SP140: variants seen among roughly 807,000 people sequenced by gnomAD.
The protein encoded by SP140 is SP140 nuclear body protein.
SP140 carries 81 observed loss-of-function variants against 125.0 expected under a neutral mutation model. The observed-to-expected ratio is 0.65, with a 90% confidence interval of 0.54 to 0.78. The LOEUF is 0.78. Ranked by LOEUF, SP140 falls within the 30% of genes least tolerant of loss-of-function variation. SP140 has a pLI of 0.00. For synonymous variants in SP140, 312 were observed against 354.0 expected, an observed-to-expected ratio of 0.88 and a Z score of 1.33; for missense variants, 858 against 1,037.0, an observed-to-expected ratio of 0.83 and a Z score of 2.37.
chr2:230,283,544 G>A (rs1170702291), intron 15 of SP140, among the ~76,000 whole-genome samples: 1 of 152,154 alleles, frequency 6.6e-6, no homozygotes, highest in African/African-American at 2.4e-5. Context: ...TTTCAAGATA[G>A]GTCTACAGAA....
chr2:230,292,809 C>T (rs201458629), intron 20 of SP140, 21 bp downstream of exon 20: 2 of 1,613,460 alleles, frequency 1.2e-6, no homozygotes, highest in South Asian at 1.1e-5. Context: ...GACAAGGGGC[C>T]AGGCCTGTGT....
Position 230,312,958 on chromosome 2 carries a change from TCTC to T in SP140, c.*277_*279del, listed in dbSNP as rs2059436444. ...CCATCCCATACAGGCTCTTACCTCT[TCTC>T]CTGAGGGCTGCTCCAGACAACATTT... On this transcript the variant is annotated 3_prime_UTR_variant, in exon 27 of 27. Coordinates refer to ENST00000392045, the MANE Select transcript of SP140 (RefSeq NM_007237.5). 3.0e-6 allele frequency: 1 copy of T among 336,932 alleles called. No homozygotes were observed. Among genetic ancestry groups the T allele is most frequent in the African/African-American group, 2.2e-5 (1 of 44,720 alleles). The allele number at this position is 336,932 out of a possible 1,614,324, so 20.9% of individuals were successfully genotyped here. A position where few individuals can be genotyped will look rare whatever the true frequency, so the allele number is the denominator to read the frequency against.
chr2:230,288,472 TCTTTC>T, intron 18 of SP140, among the ~76,000 whole-genome samples: 1 of 99,896 alleles, frequency 1.0e-5, no homozygotes, highest in African/African-American at 3.7e-5. Context: ...TTTCTTTCTT[TCTTTC>T]TTTCTTTCTT....
Position 230,213,165 on chromosome 2 carries a change from C to G in SP140, c.-322-489C>G. 3 of 805,822 alleles carry G rather than the reference C, an allele frequency of 3.7e-6. No homozygotes were observed. The South Asian group carries it at 4.3e-5, about 12-fold the overall frequency. The allele number at this position is 805,822 out of a possible 1,614,324, so 49.9% of individuals were successfully genotyped here. ...GTCCCCCAGGTGCAGAGAACTGATT[C>G]ATTGTCATCATTATCCATTTGTGGC... On this transcript the variant is annotated intron_variant, in intron 1 of 4. Coordinates refer to the SP140 transcript ENST00000456542.
At chr2:230,274,892 T>G in intron 15 of SP140, among the ~76,000 whole-genome samples, 1 of 152,302 alleles carries the variant, frequency 6.6e-6, no homozygotes, top group East Asian at 1.9e-4. Flanking sequence ...ATTTAAACTG[T>G]TACATTTCTT....
intron 3 of SP140, chr2:230,239,097 A>G: frequency 7.6e-7 from 1 of 1,313,234 alleles, no homozygotes; most frequent in Non-Finnish European, 9.9e-7. Flanking sequence ...AGTCAGTATG[A>G]AGAATGGGAT....
Position 230,285,908 on chromosome 2 carries a change from A to G in SP140, c.1645+76A>G, listed in dbSNP as rs1053262040. 4.7e-5 allele frequency: 51 copies of G among 1,091,214 alleles called. No individual in the cohort carries two copies. In the African/African-American group the frequency reaches 7.3e-4, roughly 16 times the overall value. 67.6% of individuals were successfully genotyped at this position (1,091,214 alleles called of 1,614,324 possible). A position where few individuals can be genotyped will look rare whatever the true frequency, so the allele number is the denominator to read the frequency against. On this transcript the variant is annotated intron_variant, in intron 17 of 26. Coordinates refer to ENST00000392045, the MANE Select transcript of SP140 (RefSeq NM_007237.5). The stretch of plus-strand genomic sequence containing the variant: ...TTTACTGAGGTATTGACGAGCCTAG[A>G]TCCACCTTAATTGTTTACTCATCAA...
chr2:230,227,632 C>T (rs2046650144), intron 1 of SP140, among the ~76,000 whole-genome samples: 1 of 152,174 alleles, frequency 6.6e-6, no homozygotes, highest in African/African-American at 2.4e-5. Flanking sequence ...ATTCAGACAA[C>T]CTATCTCTTG....
At chr2:230,218,540 A>C (rs538360365) in intron 3 of SP140, among the ~76,000 whole-genome samples, 1 of 152,324 alleles carries the variant, frequency 6.6e-6, no homozygotes, top group Admixed American at 6.5e-5. Flanking sequence ...ACATATACTA[A>C]GAAGAGGAAG....
chr2:230,239,621 G>A, intron 3 of SP140, among the ~76,000 whole-genome samples: 1 of 152,098 alleles, frequency 6.6e-6, no homozygotes, highest in Non-Finnish European at 1.5e-5. Flanking sequence ...TAATTCTTTT[G>A]TATTTTTAGT....
upstream of SP140, chr2:230,221,623 G>GT: frequency 7.5e-7 from 1 of 1,339,868 alleles, no homozygotes. Context: ...TCAGCATGCA[G>GT]TAACATACAG....
At chr2:230,201,117 C>CTGCTCA, upstream of SP140, 2 of 711,084 alleles carry the variant, frequency 2.8e-6, no homozygotes, top group Non-Finnish European at 5.1e-6. Flanking sequence ...AGATTTGGTG[C>CTGCTCA]TGCTCATGAC....
intron 17 of SP140, among the ~76,000 whole-genome samples, chr2:230,287,396 GT>G (rs1194280970): frequency 3.9e-5 from 6 of 152,122 alleles, no homozygotes; most frequent in Non-Finnish European, 5.9e-5. Flanking sequence ...TCATTTATTT[GT>G]GTCTCTGCTG....
intron 3 of SP140, among the ~76,000 whole-genome samples, chr2:230,215,393 G>A (rs1031252323): frequency 6.6e-6 from 1 of 152,168 alleles, no homozygotes; most frequent in African/African-American, 2.4e-5. Context: ...AGGCACATTT[G>A]AGACGAGAGA....
Position 230,238,764 on chromosome 2 carries a change from A to G in SP140, c.406+383A>G, listed in dbSNP as rs1345167323. 12 of 1,549,774 alleles carry G rather than the reference A, an allele frequency of 7.7e-6. 1 individual carries two copies. The Admixed American group carries it at 2.4e-4, about 30-fold the overall frequency. ...AAAACAATTTTCTTTGTATTAGAAA[A>G]TTTATCATCCAGTGCAGTCCTGTGT... is the stretch of plus-strand genomic sequence containing the variant. On this transcript the variant is annotated intron_variant, in intron 3 of 26. Coordinates refer to ENST00000392045, the MANE Select transcript of SP140 (RefSeq NM_007237.5).
chr2:230,312,455 T>C, intron 26 of SP140, 131 bp from the exon 27 acceptor site: 1 of 586,714 alleles, frequency 1.7e-6, no homozygotes, highest in Non-Finnish European at 3.0e-6. Context: ...CTCCAAAATA[T>C]ATGCCATTAT....
intron 14 of SP140, among the ~76,000 whole-genome samples, chr2:230,270,382 C>T (rs928632111): frequency 6.6e-6 from 1 of 152,128 alleles, no homozygotes; most frequent in Non-Finnish European, 1.5e-5. Flanking sequence ...CTTAGCCCAA[C>T]ACGTATTTTT....
chr2:230,241,703 G>C (rs889884438), intron 4 of SP140, among the ~76,000 whole-genome samples: 3 of 152,184 alleles, frequency 2.0e-5, no homozygotes, highest in Non-Finnish European at 2.9e-5. Flanking sequence ...GTCTCCATTG[G>C]TGGAGAATAT....
chr2:230,263,562 G>T (rs1235778522), intron 12 of SP140, among the ~76,000 whole-genome samples: 1 of 151,934 alleles, frequency 6.6e-6, no homozygotes, highest in East Asian at 1.9e-4. Flanking sequence ...TGTTTTATAG[G>T]TCCTGTGTGA....
Sources: gnomAD v4.1 joint callset for allele counts (sites outside exome capture counted in the v4.1 genomes callset) on GRCh38, gnomAD v4.1.1 for gene constraint, MANE v1.5 for transcripts, NCBI Gene and HGNC (gene_info 2026-07-23, HGNC 2026-07-21) for gene names.